CDH13: variants seen among roughly 807,000 people sequenced by gnomAD.
The protein encoded by CDH13 is cadherin-13.
In CDH13, 24 loss-of-function variants were observed where a neutral mutation model predicts 63.8. The ratio of observed to expected loss-of-function variants is 0.38; its 90% CI spans 0.27 to 0.53. The LOEUF is 0.53. CDH13 is among the 20% of genes least tolerant of loss of function. The pLI is 0.85. For synonymous variants in CDH13, 503 were observed against 355.3 expected (o/e 1.42, Z -4.67); for missense variants, 1,049 against 903.1 (o/e 1.16, Z -2.07).
chr16:83,190,317 A>T (rs1481855762), intron 4 of CDH13, among the ~76,000 whole-genome samples: 1 of 152,194 alleles, frequency 6.6e-6, no homozygotes, highest in East Asian at 1.9e-4. Flanking sequence ...GGGAGGGTTG[A>T]TGTAAGAAGG....
chr16:83,185,559 G>T (rs2151749101), intron 4 of CDH13, among the ~76,000 whole-genome samples: 1 of 152,284 alleles, frequency 6.6e-6, no homozygotes, highest in Middle Eastern at 3.4e-3. Flanking sequence ...GGTAAGTCAT[G>T]ATTTTTCATA....
At chr16:82,913,099 G>A (rs558194129) in intron 2 of CDH13, among the ~76,000 whole-genome samples, 3 of 152,302 alleles carry the variant, frequency 2.0e-5, no homozygotes, top group Non-Finnish European at 4.4e-5. Flanking sequence ...GAGACTCTCT[G>A]AGTAAGTGTT....
chr16:83,313,469 T>C (rs913526179), intron 5 of CDH13, among the ~76,000 whole-genome samples: 3 of 152,150 alleles, frequency 2.0e-5, no homozygotes, highest in Non-Finnish European at 4.4e-5. Context: ...TCAGTAAGGT[T>C]ACTCTGTGCT....
At chr16:83,628,317 AG>A (rs768073908) in intron 8 of CDH13, among the ~76,000 whole-genome samples, 11 of 152,192 alleles carry the variant, frequency 7.2e-5, no homozygotes, top group Non-Finnish European at 1.2e-4. Context: ...CTTGTTGCCC[AG>A]GCTGGTCTCA....
At chr16:83,744,908 G>T (rs542360155) in intron 10 of CDH13, among the ~76,000 whole-genome samples, 1 of 152,204 alleles carries the variant, frequency 6.6e-6, no homozygotes, top group Non-Finnish European at 1.5e-5. Context: ...CAATGTGAAC[G>T]GCTGGGGGGA....
At chr16:83,382,674 C>T (rs893801136) in intron 6 of CDH13, among the ~76,000 whole-genome samples, 6 of 152,130 alleles carry the variant, frequency 3.9e-5, no homozygotes, top group African/African-American at 1.4e-4. Context: ...TTTTCTAGCC[C>T]TCCTACCTTT....
rs557235852 is a variant in CDH13 at position 83,770,636 on chromosome 16, A to G, written c.1682-9332A>G. On this transcript the variant is annotated intron_variant, in intron 11 of 13. Transcript: ENST00000567109. ...ATTTTTGAGGTTATTTATTGATGAT[A>G]TGCTAAACAAGGGGTGGATTATTCA... is the stretch of plus-strand genomic sequence containing the variant. Among the ~76,000 whole-genome samples, 8 of 152,362 alleles carry G rather than the reference A, an allele frequency of 5.3e-5. No homozygotes were observed. The East Asian group carries it at 9.6e-4, about 18-fold the overall frequency.
intron 2 of CDH13, among the ~76,000 whole-genome samples, chr16:82,903,765 T>A (rs2041549179): frequency 1.3e-5 from 2 of 152,158 alleles, no homozygotes; most frequent in Non-Finnish European, 2.9e-5. Flanking sequence ...GTAACAAGCC[T>A]GGAATAACCC....
chr16:83,528,521 G>A lies in CDH13; in HGVS notation c.960+41866G>A, dbSNP rs879648862. Among the ~76,000 whole-genome samples, 9 of 152,072 alleles carry A rather than the reference G, an allele frequency of 5.9e-5. No homozygotes were observed. The South Asian group carries it at 6.2e-4, about 11-fold the overall frequency. ...GATAATAGTAGTCCCTAGTGGGGTC[G>A]TCTAAGAGCCCTTGGGAGGGCACTT... On this transcript the variant is annotated intron_variant, in intron 7 of 13. Transcript: ENST00000567109.
intron 4 of CDH13, among the ~76,000 whole-genome samples, chr16:83,128,507 A>G (rs1187648964): frequency 6.6e-6 from 1 of 152,236 alleles, no homozygotes; most frequent in Non-Finnish European, 1.5e-5. Context: ...CAATACTTTC[A>G]GTTGCAATTC....
At chr16:82,819,188 G>A (rs1440228456) in intron 1 of CDH13, among the ~76,000 whole-genome samples, 1 of 152,170 alleles carries the variant, frequency 6.6e-6, no homozygotes, top group African/African-American at 2.4e-5. Context: ...ATTGCTAGGT[G>A]AGTAATCCTG....
intron 7 of CDH13, among the ~76,000 whole-genome samples, chr16:83,587,186 C>T (rs928588794): frequency 5.3e-5 from 8 of 152,190 alleles, no homozygotes; most frequent in African/African-American, 1.9e-4. Context: ...TAGGAGATCA[C>T]ATCTGAATGG....
intron 1 of CDH13, among the ~76,000 whole-genome samples, chr16:82,776,578 C>T (rs898207032): frequency 1.4e-4 from 21 of 152,216 alleles, no homozygotes; most frequent in Admixed American, 1.4e-3. Flanking sequence ...ATAAGAATCT[C>T]AGTGCTGTCA....
chr16:83,053,915 TAAC>T (rs545657775), intron 3 of CDH13, among the ~76,000 whole-genome samples: 180 of 152,318 alleles, frequency 1.2e-3, no homozygotes, highest in African/African-American at 4.0e-3. Flanking sequence ...ACGTGTGACA[TAAC>T]AACGTTTTGG....
At chr16:83,322,421 T>C (rs116028130) in intron 5 of CDH13, among the ~76,000 whole-genome samples, 72 of 152,348 alleles carry the variant, frequency 4.7e-4, no homozygotes, top group African/African-American at 1.3e-3. Context: ...AAAGTTCTAG[T>C]GCACTCACTC....
In CDH13 at chr16:83,161,034, TGCATCTA is replaced by T. The variant is rs985042973; in HGVS notation, c.483+35535_483+35541del. Reference sequence around the variant, plus strand: ...TGCTATGAAAATGAGGCATTCTTATTGCATCTAGACTGAGCATCAGCATGCCTGGTGT... The same window carrying T: ...TGCTATGAAAATGAGGCATTCTTATTGACTGAGCATCAGCATGCCTGGTGT... On this transcript the variant is annotated intron_variant, in intron 4 of 13. Transcript: ENST00000567109. Among the ~76,000 whole-genome samples, 164 of 152,344 alleles carry T rather than the reference TGCATCTA, an allele frequency of 1.1e-3. 1 individual carries two copies. Among genetic ancestry groups the T allele is most frequent in the African/African-American group, 3.8e-3 (156 of 41,588 alleles).
At chr16:83,240,688 AAAC>A (rs201723987) in intron 5 of CDH13, among the ~76,000 whole-genome samples, 47 of 133,924 alleles carry the variant, frequency 3.5e-4, no homozygotes, top group African/African-American at 1.1e-3. Context: ...AAAAAAAAAA[AAAC>A]ATGACTTTAA....
At chr16:83,182,723 C>G (rs966963900) in intron 4 of CDH13, among the ~76,000 whole-genome samples, 1 of 152,026 alleles carries the variant, frequency 6.6e-6, no homozygotes, top group African/African-American at 2.4e-5. Flanking sequence ...TCACTTAGGA[C>G]TAAAAAAGTT....
intron 4 of CDH13, among the ~76,000 whole-genome samples, chr16:83,141,579 C>A (rs1315768689): frequency 6.6e-6 from 1 of 152,120 alleles, no homozygotes; most frequent in African/African-American, 2.4e-5. Flanking sequence ...TATACATGTG[C>A]CATGGTGGCT....
Sources: gnomAD v4.1 joint callset for allele counts (sites outside exome capture counted in the v4.1 genomes callset) on GRCh38, gnomAD v4.1.1 for gene constraint, MANE v1.5 for transcripts, NCBI Gene and HGNC (gene_info 2026-07-23, HGNC 2026-07-21) for gene names.